PARD3: variants seen among roughly 807,000 people sequenced by gnomAD.
The protein encoded by PARD3 is partitioning defective 3 homolog.
A neutral mutation model predicts 155.4 loss-of-function variants in PARD3; 75 were observed. That is an observed-to-expected ratio of 0.48 (90% confidence interval 0.40 to 0.58). The LOEUF (loss-of-function observed/expected upper bound fraction) is 0.58. PARD3 is among the 20% of genes least tolerant of loss of function. The probability of loss-of-function intolerance (pLI) is 0.00; values close to 1 mark genes in which losing one functional copy is unlikely to be tolerated. For synonymous variants in PARD3, 576 were observed against 610.5 expected, an observed-to-expected ratio of 0.94 and a Z score of 0.83; for missense variants, 1,642 against 1,721.7, an observed-to-expected ratio of 0.95 and a Z score of 0.82.
chr10:34,190,819 C>T (rs186912210), intron 22 of PARD3, among the ~76,000 whole-genome samples: 233 of 152,186 alleles, frequency 1.5e-3, no homozygotes, highest in Middle Eastern at 3.4e-3. Context: ...TAGGAGTTTT[C>T]CAGGCCAACT....
At position 34,154,007 on chromosome 10, in the gene PARD3, G is replaced by C. The variant is rs147727574; in HGVS notation, c.3420-22424C>G. Among the ~76,000 whole-genome samples, 230 of 152,306 alleles carry C rather than the reference G, an allele frequency of 1.5e-3. 2 individuals carry two copies. Among genetic ancestry groups the C allele is most frequent in the Middle Eastern group, 0.01 (3 of 294 alleles). ...ACCCTTTCTTACCACTAGCGGCATTGAAGTAATTATTTAATGTTAAGGTTC... is the reference window on the plus strand; with the variant it reads ...ACCCTTTCTTACCACTAGCGGCATTCAAGTAATTATTTAATGTTAAGGTTC... On this transcript the variant is annotated intron_variant, in intron 22 of 24. Transcript: ENST00000374788.
chr10:34,773,812 A>T (rs950247883), intron 1 of PARD3, among the ~76,000 whole-genome samples: 1 of 152,158 alleles, frequency 6.6e-6, no homozygotes, highest in Non-Finnish European at 1.5e-5. Flanking sequence ...TCTTCTCATA[A>T]ACTTGATGGG....
chr10:34,709,219 A>T (rs1348984660), intron 1 of PARD3, among the ~76,000 whole-genome samples: 1 of 152,222 alleles, frequency 6.6e-6, no homozygotes, highest in African/African-American at 2.4e-5. Context: ...CCTTATACAC[A>T]TAACCAGAAG....
intron 23 of PARD3, among the ~76,000 whole-genome samples, chr10:34,121,273 T>C (rs533305444): frequency 4.6e-5 from 7 of 152,290 alleles, no homozygotes; most frequent in Non-Finnish European, 1.0e-4. Flanking sequence ...AAAGTAGCTG[T>C]GCTCAAAATA....
chr10:34,606,427 G>A (rs1002231347), intron 2 of PARD3, among the ~76,000 whole-genome samples: 1 of 151,932 alleles, frequency 6.6e-6, no homozygotes, highest in Admixed American at 6.6e-5. Flanking sequence ...GCATGCTGTG[G>A]AGCATGATTT....
chr10:34,756,023 C>A (rs1450560493), intron 1 of PARD3, among the ~76,000 whole-genome samples: 6 of 151,926 alleles, frequency 3.9e-5, no homozygotes, highest in African/African-American at 1.5e-4. Context: ...ACCAAACTTA[C>A]AATAAGTTGT....
At chr10:34,222,627 C>T (rs1232624161) in intron 22 of PARD3, among the ~76,000 whole-genome samples, 1 of 152,186 alleles carries the variant, frequency 6.6e-6, no homozygotes, top group African/African-American at 2.4e-5. Context: ...GAAGGTACCC[C>T]AGGTCTGTGA....
chr10:34,308,153 A>G (rs1006830230), intron 20 of PARD3, among the ~76,000 whole-genome samples: 3 of 150,680 alleles, frequency 2.0e-5, no homozygotes, highest in Admixed American at 2.0e-4. Context: ...CGGTAGGGAC[A>G]AGGTCAAAGA....
intron 22 of PARD3, among the ~76,000 whole-genome samples, chr10:34,145,221 A>ATATATTTTTTTTTTT (rs1491430560): frequency 8.8e-5 from 3 of 33,972 alleles, no homozygotes; most frequent in African/African-American, 4.1e-4. Flanking sequence ...ATATATATAT[A>ATATATTTTTTTTTTT]TTTTTTTTTT....
chr10:34,359,383 T>G, intron 13 of PARD3, 66 bp from the exon 14 acceptor site: 3 of 1,170,498 alleles, frequency 2.6e-6, no homozygotes, highest in Non-Finnish European at 3.6e-6. Flanking sequence ...TAGCTTTTCC[T>G]TTAGTTAATA....
intron 22 of PARD3, among the ~76,000 whole-genome samples, chr10:34,234,063 C>T (rs1953082979): frequency 1.3e-5 from 2 of 152,116 alleles, no homozygotes; most frequent in African/African-American, 2.4e-5. Context: ...TATAGAACTA[C>T]TTTGTAATCA....
chr10:34,419,061 C>T (rs1364659799), intron 5 of PARD3, among the ~76,000 whole-genome samples: 1 of 152,064 alleles, frequency 6.6e-6, no homozygotes, highest in African/African-American at 2.4e-5. Context: ...CAGGCAGGAA[C>T]CACTGCACCT....
At chr10:34,287,618 G>C (rs1034225412) in intron 20 of PARD3, among the ~76,000 whole-genome samples, 6 of 152,196 alleles carry the variant, frequency 3.9e-5, no homozygotes, top group African/African-American at 1.4e-4. Flanking sequence ...GAGTTAATTA[G>C]CTATGTTAAA....
intron 22 of PARD3, among the ~76,000 whole-genome samples, chr10:34,211,432 G>C (rs1404963402): frequency 1.3e-5 from 2 of 152,102 alleles, no homozygotes; most frequent in African/African-American, 4.8e-5. Flanking sequence ...TACGCAGAGA[G>C]AAGGCAGAAG....
rs114925310 is a variant in PARD3 at position 34,342,397 on chromosome 10, G to A, written c.2219-581C>T. On this transcript the variant is annotated intron_variant, in intron 15 of 24. Coordinates refer to ENST00000374788, the MANE Select transcript of PARD3 (RefSeq NM_001184785.2). ...GGGGGTAGGAAGTGCTGGAAATCTT[G>A]GCAAAAGTTAACATCAGAATTAGGT... Among the ~76,000 whole-genome samples the A allele has an allele frequency of 8.1e-3, 1,239 of 152,262 alleles. 22 individuals carry two copies. The highest frequency in any genetic ancestry group is 0.028 in the African/African-American group (1,177 of 41,548).
intron 23 of PARD3, among the ~76,000 whole-genome samples, chr10:34,127,020 T>C (rs1947325161): frequency 6.6e-6 from 1 of 152,214 alleles, no homozygotes; most frequent in Non-Finnish European, 1.5e-5. Flanking sequence ...GTAGTTGAGT[T>C]TCCAAATGTA....
chr10:34,438,563 T>C (rs749947814), intron 5 of PARD3, among the ~76,000 whole-genome samples: 6 of 152,054 alleles, frequency 3.9e-5, no homozygotes, highest in Non-Finnish European at 7.4e-5. Context: ...CCATAATACA[T>C]GATATCAGAA....
At chr10:34,667,376 A>G (rs1185165519) in intron 2 of PARD3, among the ~76,000 whole-genome samples, 1 of 152,236 alleles carries the variant, frequency 6.6e-6, no homozygotes, top group Non-Finnish European at 1.5e-5. Context: ...ACAAGGTTTC[A>G]CAAAGCACAT....
chr10:34,433,244 A>C (rs1321783704), intron 5 of PARD3, among the ~76,000 whole-genome samples: 1 of 152,166 alleles, frequency 6.6e-6, no homozygotes, highest in African/African-American at 2.4e-5. Context: ...CAAAAGCAAA[A>C]ACTTAAAAAT....
Sources: allele counts gnomAD v4.1 joint callset (sites outside exome capture counted in the v4.1 genomes callset), GRCh38; gene constraint gnomAD v4.1.1; transcripts MANE v1.5; gene names NCBI Gene and HGNC (gene_info 2026-07-23, HGNC 2026-07-21).